Variants in ATP1A3 observed in about 807,000 individuals in gnomAD.
ATP1A3 encodes the protein sodium/potassium-transporting ATPase subunit alpha-3.
A neutral mutation model predicts 108.8 loss-of-function variants in ATP1A3; 12 were observed. The ratio of observed to expected loss-of-function variants is 0.11; its 90% CI spans 0.07 to 0.18. The LOEUF (loss-of-function observed/expected upper bound fraction) is 0.18. ATP1A3 is among the 10% of genes least tolerant of loss of function. ATP1A3 has a pLI of 1.00. For synonymous variants in ATP1A3, 539 were observed against 564.5 expected (o/e 0.95, Z 0.64); for missense variants, 498 against 1,387.7 (o/e 0.36, Z 10.19).
chr19:41,976,422 C>G lies in ATP1A3; in HGVS notation c.2088G>C (p.Gln696His). ...CTGCGGGAGCGCAGCCCACCTGTCT[C>G]TGACAGCCCTCCACAATGATGAGCT... ...QQKLIIVEGC[Q>H]RQGAIVAVTG... is the part of the protein sequence containing the mutation. The change falls in exon 15 of 23, where the codon CAG becomes CAC. Residue 696 changes from glutamine to histidine, a missense_variant. By Grantham distance (24) the Gln-to-His change is conservative. This residue lies in a region of ATP1A3 where 121 missense variants were observed against 425.1 expected (regional missense o/e 0.28). Transcript: ENST00000648268. 6.2e-7 allele frequency: 1 copy of G among 1,614,202 alleles called. No individual in the cohort carries two copies. Among genetic ancestry groups the G allele is most frequent in the Non-Finnish European group, 8.5e-7 (1 of 1,180,036 alleles).
At chr19:41,969,705 G>A in intron 18 of ATP1A3, 125 bp from the exon 19 acceptor site, 2 of 1,363,552 alleles carry the variant, frequency 1.5e-6, no homozygotes, top group Non-Finnish European at 2.1e-6. Flanking sequence ...CCTGTTATCT[G>A]GACATTGGTT....
At position 41,988,154 on chromosome 19, in the gene ATP1A3, A is replaced by T. The variant is rs538488710; in HGVS notation, c.154-15T>A. ...TGGGTCAAACCCTGAGGGACAGAGG[A>T]CTCACACAGAACCCTCCCTGGGCAA... On this transcript the variant is annotated splice_polypyrimidine_tract_variant and intron_variant, in intron 3 of 22. Transcript: ENST00000648268. The surrounding 1 kb of genome is among the most constrained non-coding windows in gnomAD (Gnocchi z 5.3). 6.2e-7 allele frequency: 1 copy of T among 1,613,936 alleles called. No homozygotes were observed. Among genetic ancestry groups the T allele is most frequent in the Non-Finnish European group, 8.5e-7 (1 of 1,179,972 alleles).
At chr19:41,972,436 A>C (rs1252925396) in intron 16 of ATP1A3, among the ~76,000 whole-genome samples, 1 of 151,710 alleles carries the variant, frequency 6.6e-6, no homozygotes, top group Non-Finnish European at 1.5e-5. Context: ...TAAATAAATA[A>C]GTAAAAAGAT....
chr19:41,966,868 G>C lies in ATP1A3; in HGVS notation c.*69C>G, dbSNP rs1015811125. On this transcript the variant is annotated 3_prime_UTR_variant, in exon 23 of 23. Transcript: ENST00000648268. ...CTCCTCCCCCCAGAATACAAAATTGGGGGGACTGACAGGGGCGGTCCTGGG... is the reference window on the plus strand; with the variant it reads ...CTCCTCCCCCCAGAATACAAAATTGCGGGGACTGACAGGGGCGGTCCTGGG... The C allele has an allele frequency of 6.5e-7, 1 of 1,549,800 alleles. No individual in the cohort carries two copies. The highest frequency in any genetic ancestry group is 8.7e-7 in the Non-Finnish European group (1 of 1,146,094).
chr19:41,975,902 G>T, intron 15 of ATP1A3, 105 bp from the exon 16 acceptor site: 1 of 1,479,336 alleles, frequency 6.8e-7, no homozygotes, highest in Non-Finnish European at 9.4e-7. Context: ...TTCAGACCTA[G>T]AAGTTCAGGT....
intron 14 of ATP1A3, among the ~76,000 whole-genome samples, chr19:41,977,220 AAG>A (rs2075180741): frequency 6.6e-6 from 1 of 152,080 alleles, no homozygotes; most frequent in Non-Finnish European, 1.5e-5. Context: ...CAGAACAGAA[AAG>A]AGAGACAATG....
intron 1 of ATP1A3, among the ~76,000 whole-genome samples, chr19:41,989,358 G>A (rs1284448057): frequency 4.5e-5 from 6 of 134,218 alleles, no homozygotes; most frequent in East Asian, 2.2e-4. Flanking sequence ...TCGCTTAGTC[G>A]CCTAGGCTGG....
intron 8 of ATP1A3, chr19:41,984,627 G>T: frequency 2.5e-6 from 1 of 406,236 alleles, no homozygotes; most frequent in Non-Finnish European, 4.5e-6. Context: ...GCTTGCCAGT[G>T]TTTCTCAAGA....
chr19:41,971,380 A>T (rs1170286633), intron 16 of ATP1A3, among the ~76,000 whole-genome samples: 1 of 152,142 alleles, frequency 6.6e-6, no homozygotes, highest in African/African-American at 2.4e-5. Context: ...CCACCGACCG[A>T]GTAATCCGAC....
chr19:41,993,913 C>T, intron 1 of ATP1A3, 158 bp downstream of exon 1: 2 of 1,392,952 alleles, frequency 1.4e-6, no homozygotes, highest in South Asian at 1.3e-5. Context: ...CCTGCGGCCC[C>T]ACGACCACAT....
chr19:41,980,269 T>C (rs968195133), intron 11 of ATP1A3, among the ~76,000 whole-genome samples: 5 of 152,220 alleles, frequency 3.3e-5, no homozygotes, highest in Non-Finnish European at 7.3e-5. Context: ...CTACTGTGTG[T>C]ACACCCAGCA....
intron 16 of ATP1A3, 130 bp from the exon 17 acceptor site, chr19:41,970,672 C>A (rs1555859649): frequency 1.7e-6 from 2 of 1,155,274 alleles, no homozygotes; most frequent in Non-Finnish European, 2.4e-6. Flanking sequence ...CGCTGTGTTG[C>A]CCAGGCTGGA....
intron 1 of ATP1A3, among the ~76,000 whole-genome samples, chr19:41,991,943 C>A (rs1555867566): frequency 7.8e-6 from 1 of 127,472 alleles, no homozygotes; most frequent in African/African-American, 3.2e-5. Flanking sequence ...GGAGGAGGGG[C>A]TGGGGCCTGG....
intron 16 of ATP1A3, among the ~76,000 whole-genome samples, chr19:41,970,919 A>G (rs1034009916): frequency 1.4e-5 from 2 of 148,018 alleles, no homozygotes; most frequent in Admixed American, 1.4e-4. Context: ...GGCGTGAGCC[A>G]CCGCGCCCGG....
rs782766967 is a variant in ATP1A3, at chr19:41,967,798, A to G, written c.2820-35T>C. ...CAGAAGGGCAGGGCTGGGCCCAGAGAGCACCCACCCTGCACCTGCCACCCC... is the reference window on the plus strand; with the variant it reads ...CAGAAGGGCAGGGCTGGGCCCAGAGGGCACCCACCCTGCACCTGCCACCCC... On this transcript the variant is annotated intron_variant, in intron 20 of 22. Coordinates refer to ENST00000648268, the MANE Select transcript of ATP1A3 (RefSeq NM_152296.5). The surrounding 1 kb of genome is among the most constrained non-coding windows in gnomAD (Gnocchi z 4.2). The G allele has an allele frequency of 1.5e-5, 24 of 1,600,680 alleles. No individual in the cohort carries two copies. The highest frequency in any genetic ancestry group is 1.0e-4 in the Admixed American group (6 of 58,918).
chr19:41,967,642 G>A lies in ATP1A3; in HGVS notation c.2921+20C>T, dbSNP rs1233008576. 2 of 1,611,512 alleles carry A rather than the reference G, an allele frequency of 1.2e-6. No individual in the cohort carries two copies. The highest frequency in any genetic ancestry group is 1.7e-6 in the Non-Finnish European group (2 of 1,178,260). ...GGCAGGCGCTGGTGTGGGCAGGGCT[G>A]GGGGCAGCGGGGCACTCACTTGAGA... On this transcript the variant is annotated intron_variant, in intron 21 of 22. Coordinates refer to ENST00000648268, the MANE Select transcript of ATP1A3 (RefSeq NM_152296.5). This position sits in a 1 kb window ranked among gnomAD's most constrained non-coding sequence, Gnocchi z 4.2.
intron 16 of ATP1A3, among the ~76,000 whole-genome samples, chr19:41,972,965 C>T (rs1220839123): frequency 6.6e-6 from 1 of 152,120 alleles, no homozygotes; most frequent in Admixed American, 6.6e-5. Context: ...TCTTTGATTG[C>T]TTTGATGTCT....
intron 16 of ATP1A3, among the ~76,000 whole-genome samples, chr19:41,975,112 C>T (rs377530789): frequency 5.9e-5 from 9 of 151,766 alleles, no homozygotes; most frequent in East Asian, 5.8e-4. Context: ...AGTGCTGTGG[C>T]GCAATCTCAG....
chr19:41,984,074 CT>C, intron 8 of ATP1A3, among the ~76,000 whole-genome samples: 1 of 151,762 alleles, frequency 6.6e-6, no homozygotes, highest in Non-Finnish European at 1.5e-5. Flanking sequence ...TGCGCCCAGC[CT>C]TCACATTTTT....
Sources: gnomAD v4.1 joint callset for allele counts (sites outside exome capture counted in the v4.1 genomes callset) on GRCh38, gnomAD v4.1.1 for gene constraint, gnomAD v4.1.1 regional missense constraint, Gnocchi (gnomAD v3.1) non-coding constraint, MANE v1.5 for transcripts, NCBI Gene and HGNC (gene_info 2026-07-23, HGNC 2026-07-21) for gene names.